Variants in AXIN1 observed in about 807,000 individuals in gnomAD.
The protein encoded by AXIN1 is axin 1.
Under a neutral mutation model 76.4 loss-of-function variants are expected in AXIN1, and 30 were observed. The observed-to-expected ratio is 0.39, with a 90% CI of 0.29 to 0.53. AXIN1 has a LOEUF of 0.53. Among genes scored for constraint, AXIN1 ranks in the 20% least tolerant of loss-of-function variants. The pLI is 0.66. For missense variants in AXIN1, 1,140 were observed against 1,198.8 expected (o/e 0.95, Z 0.72); for synonymous variants, 545 against 501.4 (o/e 1.09, Z -1.16).
intron 10 of AXIN1, 87 bp from the exon 11 acceptor site, chr16:288,335 C>G (rs775725102): frequency 6.3e-7 from 1 of 1,595,668 alleles, no homozygotes; most frequent in Non-Finnish European, 8.6e-7. Flanking sequence ...TGTCCACACC[C>G]CATCCCGAGG....
chr16:298,497 C>T (rs1477022635), intron 5 of AXIN1, among the ~76,000 whole-genome samples: 3 of 152,206 alleles, frequency 2.0e-5, no homozygotes, highest in Non-Finnish European at 4.4e-5. Flanking sequence ...GAGCTCTGCA[C>T]AGATTTAGTT....
intron 1 of AXIN1, among the ~76,000 whole-genome samples, chr16:350,870 G>T (rs545727187): frequency 6.6e-6 from 1 of 152,198 alleles, no homozygotes; most frequent in African/African-American, 2.4e-5. Flanking sequence ...GGTGGCTCAC[G>T]CCTGTAATCC....
Position 293,505 on chromosome 16 carries a change from T to G in AXIN1, c.2169A>C (p.Arg723=). The G allele has an allele frequency of 6.2e-7, 1 of 1,609,624 alleles. No individual in the cohort carries two copies. The highest frequency in any genetic ancestry group is 1.1e-5 in the South Asian group (1 of 91,004). The part of the protein sequence containing the change: ...RLEEEEKRAS[R]APSKQRYVQE... ...GGCCGTACCTCTGCTTGGAGGGTGC[T>G]CGGCTGGCTCTCTTTTCTTCCTCCT... Residue 723 remains arginine, a synonymous_variant, in exon 8 of 11, where the codon CGA becomes CGC. Coordinates refer to ENST00000262320, the MANE Select transcript of AXIN1 (RefSeq NM_003502.4). This position sits in a 1 kb window ranked among gnomAD's most constrained non-coding sequence, Gnocchi z 4.6.
At chr16:299,687 G>A (rs554214413) in intron 5 of AXIN1, among the ~76,000 whole-genome samples, 10 of 150,362 alleles carry the variant, frequency 6.7e-5, no homozygotes, top group Admixed American at 4.6e-4. Flanking sequence ...ACAGAGTCTC[G>A]CTCTGTCACC....
intron 2 of AXIN1, among the ~76,000 whole-genome samples, chr16:344,519 C>T (rs1375573516): frequency 7.4e-5 from 11 of 148,556 alleles, no homozygotes; most frequent in Admixed American, 6.0e-4. Context: ...TCACTCTTGT[C>T]CTCTTGTCGC....
chr16:339,273 G>A (rs186189798), intron 2 of AXIN1, among the ~76,000 whole-genome samples: 1 of 150,764 alleles, frequency 6.6e-6, no homozygotes, highest in Admixed American at 6.6e-5. Context: ...GGAGGCTGAG[G>A]TAGGCGGATC....
Position 298,127 on chromosome 16 carries a change from C to T in AXIN1, c.1379G>A (p.Arg460Gln), listed in dbSNP as rs560238796. Residue 460 changes from arginine (R) to glutamine (Q), a missense_variant, in exon 6 of 11, where the codon CGG becomes CAG. Coordinates refer to ENST00000262320, the MANE Select transcript of AXIN1 (RefSeq NM_003502.4). ...RCVDMGCAGL[R>Q]DAHEENPESI... The stretch of plus-strand genomic sequence containing the variant: ...CTCAGGGTTCTCCTCGTGTGCATCC[C>T]GGAGCCCGGCACAGCCCATGTCCAC... The T allele has an allele frequency of 3.7e-5, 57 of 1,544,538 alleles. No homozygotes were observed. The highest frequency in any genetic ancestry group is 1.8e-4 in the African/African-American group (13 of 73,288).
chr16:321,230 G>C (rs1237582493), intron 2 of AXIN1, among the ~76,000 whole-genome samples: 1 of 151,434 alleles, frequency 6.6e-6, no homozygotes, highest in South Asian at 2.1e-4. Context: ...ACCCAGGCAG[G>C]AGCCGCCACC....
At chr16:297,332 C>T in intron 6 of AXIN1, 106 bp from the exon 7 acceptor site, 1 of 1,451,792 alleles carries the variant, frequency 6.9e-7, no homozygotes, top group South Asian at 1.2e-5. Flanking sequence ...TCCCGTGGTG[C>T]AGCCGCCGCC....
intron 2 of AXIN1, among the ~76,000 whole-genome samples, chr16:326,392 T>TACAC (rs1555483822): frequency 9.8e-5 from 11 of 111,890 alleles, no homozygotes; most frequent in African/African-American, 3.0e-4. Context: ...TATATATATA[T>TACAC]ATACACACCT....
chr16:288,276 G>C (rs374115555), intron 10 of AXIN1, 28 bp from the exon 11 acceptor site: 1 of 1,613,254 alleles, frequency 6.2e-7, no homozygotes, highest in Non-Finnish European at 8.5e-7. Context: ...GGAGGGCAGT[G>C]AGCAGGCAGC....
At chr16:306,906 G>T (rs1362630959) in intron 4 of AXIN1, among the ~76,000 whole-genome samples, 4 of 152,240 alleles carry the variant, frequency 2.6e-5, no homozygotes, top group African/African-American at 7.2e-5. Context: ...GGTGTGTCCG[G>T]GTGTGTGGAC....
chr16:303,220 A>G (rs1402898421), intron 5 of AXIN1, among the ~76,000 whole-genome samples: 1 of 152,100 alleles, frequency 6.6e-6, no homozygotes, highest in East Asian at 1.9e-4. Context: ...GAGAAACTCC[A>G]GCCGGCCTGC....
rs115263145 is a variant in AXIN1 at position 327,373 on chromosome 16, G to A, written c.879-12690C>T. Among the ~76,000 whole-genome samples, 883 of 152,312 alleles carry A rather than the reference G, an allele frequency of 5.8e-3. 7 individuals are homozygous for A. Among genetic ancestry groups the A allele is most frequent in the African/African-American group, 0.02 (815 of 41,554 alleles). On this transcript the variant is annotated intron_variant, in intron 2 of 10. Transcript: ENST00000262320. Reference sequence around the variant, plus strand: ...CACTCAGGGTGGCAGACACAAAAGGGCAAGAGAATGAGTCACCAGGCACCA... The same window carrying A: ...CACTCAGGGTGGCAGACACAAAAGGACAAGAGAATGAGTCACCAGGCACCA...
intron 2 of AXIN1, among the ~76,000 whole-genome samples, chr16:324,159 G>A (rs1234872727): frequency 7.0e-6 from 1 of 142,148 alleles, no homozygotes; most frequent in East Asian, 2.0e-4. Flanking sequence ...ATGAGGGGCA[G>A]ATCTGGGGCC....
intron 2 of AXIN1, among the ~76,000 whole-genome samples, chr16:328,224 T>C (rs2053621027): frequency 6.6e-6 from 1 of 152,174 alleles, no homozygotes; most frequent in African/African-American, 2.4e-5. Flanking sequence ...AGACCTCGTC[T>C]CTGCAAAATA....
intron 9 of AXIN1, chr16:289,980 G>A (rs186740310): frequency 8.0e-6 from 3 of 376,228 alleles, no homozygotes; most frequent in Non-Finnish European, 1.5e-5. Context: ...TGAAGGGCAG[G>A]GATTGGACAA....
intron 3 of AXIN1, 109 bp downstream of exon 3, chr16:314,434 G>C: frequency 6.5e-7 from 1 of 1,532,500 alleles, no homozygotes; most frequent in Non-Finnish European, 8.9e-7. Context: ...CAAGAAACAG[G>C]GTGTCTGGGG....
intron 3 of AXIN1, among the ~76,000 whole-genome samples, chr16:313,646 G>A (rs918050181): frequency 9.9e-5 from 15 of 152,188 alleles, no homozygotes; most frequent in Admixed American, 7.9e-4. Flanking sequence ...GGCGTGTGGC[G>A]CACAGACCAG....
Sources: allele counts gnomAD v4.1 joint callset (sites outside exome capture counted in the v4.1 genomes callset), GRCh38; gene constraint gnomAD v4.1.1; non-coding constraint Gnocchi (gnomAD v3.1); transcripts MANE v1.5; gene names NCBI Gene and HGNC (gene_info 2026-07-23, HGNC 2026-07-21).